RANBP3L: variants seen among roughly 807,000 people sequenced by gnomAD.
The protein encoded by RANBP3L is ran-binding protein 3-like.
In RANBP3L, 56 loss-of-function variants were observed where a neutral mutation model predicts 67.2. The ratio of observed to expected loss-of-function variants is 0.83; its 90% CI spans 0.67 to 1.04. The LOEUF (loss-of-function observed/expected upper bound fraction) is 1.04, where lower values mean the gene tolerates loss of function less well. RANBP3L is among the 50% of genes least tolerant of loss of function. The pLI is 0.00. For synonymous variants in RANBP3L, 164 were observed against 181.4 expected, an observed-to-expected ratio of 0.90 and a Z score of 0.77; for missense variants, 496 against 535.5, an observed-to-expected ratio of 0.93 and a Z score of 0.73.
In RANBP3L at chr5:36,283,539, TACAC is replaced by T. The variant is rs3086448; in HGVS notation, c.92-12232_92-12229del. 4.9e-3 allele frequency among the ~76,000 whole-genome samples: 707 copies of T among 144,784 alleles called. 2 individuals are homozygous for T. Among genetic ancestry groups the T allele is most frequent in the African/African-American group, 9.7e-3 (380 of 39,270 alleles). 95.0% of individuals were successfully genotyped at this position (144,784 alleles called of 152,430 possible). ...CTTGCCTATGCTCTGTATATAAAAA[TACAC>T]ACACACACACACACACACACACACA... On this transcript the variant is annotated intron_variant, in intron 1 of 13. Transcript: ENST00000296604.
At chr5:36,278,384 C>CAG (rs1296144052) in intron 1 of RANBP3L, among the ~76,000 whole-genome samples, 1 of 152,046 alleles carries the variant, frequency 6.6e-6, no homozygotes, top group Non-Finnish European at 1.5e-5. Context: ...ATGAGAAATG[C>CAG]AGAATCTCAG....
chr5:36,263,561 C>T (rs1010279892), intron 6 of RANBP3L, among the ~76,000 whole-genome samples: 3 of 152,028 alleles, frequency 2.0e-5, no homozygotes, highest in African/African-American at 7.2e-5. Flanking sequence ...CACCATGCAT[C>T]ACTTCTTTTT....
intron 3 of RANBP3L, among the ~76,000 whole-genome samples, 164 bp downstream of exon 3, chr5:36,269,787 G>A (rs574408552): frequency 6.6e-6 from 1 of 152,088 alleles, no homozygotes; most frequent in South Asian, 2.1e-4. Context: ...GTGTTCTCAG[G>A]GACCTATATG....
chr5:36,298,806 A>G (rs554698697), intron 1 of RANBP3L, among the ~76,000 whole-genome samples: 1 of 152,328 alleles, frequency 6.6e-6, no homozygotes, highest in South Asian at 2.1e-4. Context: ...TTCTAGGCAA[A>G]AAGCTAAGTC....
rs1748341208 is a variant in RANBP3L at position 36,247,045 on chromosome 5, A to G, written c.*2609T>C. Reference sequence around the variant, plus strand: ...AAATTAGTTAATTAAATTTTAATTAAAAACAGCTGCTTTGGAAATCCAACA... The same window carrying G: ...AAATTAGTTAATTAAATTTTAATTAGAAACAGCTGCTTTGGAAATCCAACA... On this transcript the variant is annotated 3_prime_UTR_variant, in exon 14 of 14. Transcript: ENST00000296604. Among the ~76,000 whole-genome samples the G allele has an allele frequency of 6.6e-6, 1 of 152,234 alleles. No homozygotes were observed. Among genetic ancestry groups the G allele is most frequent in the South Asian group, 2.1e-4 (1 of 4,834 alleles).
chr5:36,292,550 T>C (rs1211193656), intron 1 of RANBP3L, among the ~76,000 whole-genome samples: 2 of 152,242 alleles, frequency 1.3e-5, no homozygotes, highest in Non-Finnish European at 2.9e-5. Flanking sequence ...CATTTAAGTC[T>C]TTAATCCATC....
chr5:36,256,712 GA>G (rs1332493841), intron 10 of RANBP3L: 26 of 482,864 alleles, frequency 5.4e-5, no homozygotes, highest in Non-Finnish European at 8.7e-5. Flanking sequence ...GGACTAATGT[GA>G]ATAGTTGTAA....
At chr5:36,262,231 T>C (rs1322279908) in intron 6 of RANBP3L, among the ~76,000 whole-genome samples, 189 bp from the exon 7 acceptor site, 1 of 152,196 alleles carries the variant, frequency 6.6e-6, no homozygotes, top group African/African-American at 2.4e-5. Flanking sequence ...TTGTCCACAT[T>C]TTACAGGTGA....
intron 1 of RANBP3L, among the ~76,000 whole-genome samples, chr5:36,283,940 T>C (rs1001067159): frequency 2.0e-5 from 3 of 152,126 alleles, no homozygotes; most frequent in African/African-American, 7.2e-5. Flanking sequence ...AATCTCTTCT[T>C]TATCTCTCCT....
chr5:36,274,765 G>A (rs886233962), intron 1 of RANBP3L, among the ~76,000 whole-genome samples: 3 of 152,030 alleles, frequency 2.0e-5, no homozygotes, highest in African/African-American at 7.2e-5. Flanking sequence ...GTGATGAAAG[G>A]GTATTGGGGG....
rs1238293189 is a variant in RANBP3L at position 36,291,351 on chromosome 5, TA to T, written c.91+9974del. On this transcript the variant is annotated intron_variant, in intron 1 of 13. Transcript: ENST00000296604. ...TTAACTTTTTTATTTTTTAATTTTTTATTTTTTTATTTTTATTTTTTTTCAG... is the reference window on the plus strand; with the variant it reads ...TTAACTTTTTTATTTTTTAATTTTTTTTTTTTTATTTTTATTTTTTTTCAG... 3.3e-3 allele frequency among the ~76,000 whole-genome samples: 507 copies of T among 151,564 alleles called. 3 individuals carry two copies. The highest frequency in any genetic ancestry group is 8.5e-3 in the African/African-American group (351 of 41,304).
At chr5:36,280,682 AT>A (rs914921442) in intron 1 of RANBP3L, among the ~76,000 whole-genome samples, 1 of 152,094 alleles carries the variant, frequency 6.6e-6, no homozygotes, top group Non-Finnish European at 1.5e-5. Context: ...CTAGCTTTTT[AT>A]TTGGGGGTGA....
At position 36,265,308 on chromosome 5, in the gene RANBP3L, C is replaced by T; in HGVS notation, c.340+141G>A. ...TAACTATTCATTTTGATCATGAAAC[C>T]TGGCTTACTTGCATTATTTCTTCAT... On this transcript the variant is annotated intron_variant, in intron 5 of 13. Transcript: ENST00000296604. 3 of 677,010 alleles carry T rather than the reference C, an allele frequency of 4.4e-6. No individual in the cohort carries two copies. In the South Asian group the frequency reaches 6.9e-5, roughly 16 times the overall value. The allele number at this position is 677,010 out of a possible 1,614,324, so 41.9% of individuals were successfully genotyped here.
At chr5:36,265,341 C>A in intron 5 of RANBP3L, 108 bp downstream of exon 5, 1 of 759,258 alleles carries the variant, frequency 1.3e-6, no homozygotes, top group South Asian at 2.0e-5. Context: ...CATGTTTTGT[C>A]ACTCTGACCT....
At chr5:36,274,952 A>C (rs1750473063) in intron 1 of RANBP3L, among the ~76,000 whole-genome samples, 1 of 152,132 alleles carries the variant, frequency 6.6e-6, no homozygotes, top group Non-Finnish European at 1.5e-5. Flanking sequence ...AGTGAAAGAA[A>C]ATGAGGGGAT....
At chr5:36,289,499 T>G (rs1403016226) in intron 1 of RANBP3L, among the ~76,000 whole-genome samples, 1 of 152,190 alleles carries the variant, frequency 6.6e-6, no homozygotes, top group East Asian at 1.9e-4. Context: ...GATTGACATC[T>G]TAACAATATT....
At chr5:36,255,650 T>A in intron 10 of RANBP3L, 60 bp from the exon 11 acceptor site, 1 of 1,259,270 alleles carries the variant, frequency 7.9e-7, no homozygotes, top group Non-Finnish European at 1.1e-6. Context: ...GTAAATTATT[T>A]CCTATGTTAT....
chr5:36,265,585 G>T (rs560043842), intron 4 of RANBP3L, 65 bp from the exon 5 acceptor site: 53 of 949,002 alleles, frequency 5.6e-5, no homozygotes, highest in Admixed American at 1.7e-4. Context: ...ACTATTTGGG[G>T]CTTAACAATC....
chr5:36,252,858 TAATA>T (rs1317117756), intron 12 of RANBP3L, among the ~76,000 whole-genome samples: 1 of 152,096 alleles, frequency 6.6e-6, no homozygotes, highest in East Asian at 1.9e-4. Flanking sequence ...TACTGGTAGC[TAATA>T]AACTTTGGTT....
Sources: allele counts gnomAD v4.1 joint callset (sites outside exome capture counted in the v4.1 genomes callset), GRCh38; gene constraint gnomAD v4.1.1; transcripts MANE v1.5; gene names NCBI Gene and HGNC (gene_info 2026-07-23, HGNC 2026-07-21).